DPP6: variants seen among roughly 807,000 people sequenced by gnomAD.
DPP6 encodes the protein A-type potassium channel modulatory protein DPP6.
In DPP6, 69 loss-of-function variants were observed where a neutral mutation model predicts 122.6. That is an observed-to-expected ratio of 0.56 (90% CI 0.46 to 0.69). The LOEUF (loss-of-function observed/expected upper bound fraction) is 0.69, where lower values mean the gene tolerates loss of function less well. Among genes scored for constraint, DPP6 ranks in the 30% least tolerant of loss-of-function variants. The probability of loss-of-function intolerance (pLI) is 0.00; values close to 1 mark genes in which losing one functional copy is unlikely to be tolerated. For missense variants in DPP6, 928 were observed against 1,116.9 expected, an observed-to-expected ratio of 0.83 and a Z score of 2.41; for synonymous variants, 418 against 433.1, an observed-to-expected ratio of 0.97 and a Z score of 0.43.
At chr7:154,095,148 G>A (rs1317147995) in intron 1 of DPP6, 1 of 151,356 alleles carries the variant, frequency 6.6e-6, no homozygotes, top group Admixed American at 6.6e-5. Flanking sequence ...AACCATTCAT[G>A]CCTCCAAGTA....
chr7:154,611,441 G>A (rs1182774462), intron 5 of DPP6, among the ~76,000 whole-genome samples: 2 of 152,116 alleles, frequency 1.3e-5, no homozygotes, highest in Non-Finnish European at 2.9e-5. Flanking sequence ...ACAAAAAGTG[G>A]ACCTCTTTGG....
At chr7:153,871,193 T>A in the DPP6 span, among the ~76,000 whole-genome samples, 1 of 152,222 alleles carries the variant, frequency 6.6e-6, no homozygotes, top group Non-Finnish European at 1.5e-5. Context: ...GACAGCGACA[T>A]TTAAGTCTGC....
chr7:154,396,375 G>A (rs149241468), intron 1 of DPP6, among the ~76,000 whole-genome samples: 1 of 152,274 alleles, frequency 6.6e-6, no homozygotes, highest in Non-Finnish European at 1.5e-5. Context: ...TGAGAGCTGT[G>A]CTACACGTGT....
intron 1 of DPP6, among the ~76,000 whole-genome samples, chr7:154,105,880 A>T (rs977162942): frequency 1.1e-4 from 17 of 151,298 alleles, no homozygotes; most frequent in African/African-American, 4.2e-4. Context: ...TATTAGCAGC[A>T]TGAGAACAGA....
At chr7:154,505,532 A>G (rs541128748) in intron 3 of DPP6, among the ~76,000 whole-genome samples, 1 of 152,202 alleles carries the variant, frequency 6.6e-6, no homozygotes, top group Non-Finnish European at 1.5e-5. Context: ...AGCTTCGCAG[A>G]AGTTCCTGTT....
intron 5 of DPP6, among the ~76,000 whole-genome samples, chr7:154,594,396 C>T (rs1832969477): frequency 6.6e-6 from 1 of 152,168 alleles, no homozygotes; most frequent in South Asian, 2.1e-4. Flanking sequence ...ACTGTATCCT[C>T]AGTTTCTTGC....
At chr7:154,549,928 T>C (rs561280612) in intron 4 of DPP6, among the ~76,000 whole-genome samples, 8 of 152,208 alleles carry the variant, frequency 5.3e-5, no homozygotes, top group Non-Finnish European at 8.8e-5. Flanking sequence ...GTTTTAATTT[T>C]ATTCACAAAA....
At chr7:153,944,662 G>C (rs1378559335) in intron 1 of DPP6, among the ~76,000 whole-genome samples, 1 of 79,044 alleles carries the variant, frequency 1.3e-5, no homozygotes, top group African/African-American at 4.9e-5. Flanking sequence ...ATTTTTGTGT[G>C]GGTTTTTTTT....
At chr7:154,004,318 G>T (rs1035380460) in intron 1 of DPP6, among the ~76,000 whole-genome samples, 7 of 152,226 alleles carry the variant, frequency 4.6e-5, no homozygotes, top group Non-Finnish European at 7.3e-5. Flanking sequence ...TGGAGCCATA[G>T]GGGTGAGGAG....
intron 1 of DPP6, among the ~76,000 whole-genome samples, chr7:154,236,153 A>G (rs1029485592): frequency 1.3e-5 from 2 of 152,162 alleles, no homozygotes; most frequent in Non-Finnish European, 1.5e-5. Flanking sequence ...GTGTCCAGCC[A>G]GTTTTATTAT....
At chr7:153,790,704 T>C in the DPP6 span, among the ~76,000 whole-genome samples, 1 of 152,216 alleles carries the variant, frequency 6.6e-6, no homozygotes, top group Admixed American at 6.5e-5. Context: ...GAATGTAAAG[T>C]ATGTGAACAA....
intron 16 of DPP6, among the ~76,000 whole-genome samples, chr7:154,825,262 A>C (rs1800065122): frequency 6.6e-6 from 1 of 152,220 alleles, no homozygotes; most frequent in African/African-American, 2.4e-5. Context: ...GATGTGCTTA[A>C]GTGTCAAGGA....
the DPP6 span, among the ~76,000 whole-genome samples, chr7:153,839,882 G>A: frequency 6.6e-6 from 1 of 152,184 alleles, no homozygotes. Context: ...TGTTGCTACT[G>A]GTCTTGAGGT....
the DPP6 span, among the ~76,000 whole-genome samples, chr7:153,761,914 A>G: frequency 6.6e-6 from 1 of 152,228 alleles, no homozygotes; most frequent in African/African-American, 2.4e-5. Context: ...ACCCAGGGAC[A>G]CTGAAAAGGA....
chr7:154,645,068 T>G (rs1486299841), intron 6 of DPP6, among the ~76,000 whole-genome samples: 1 of 148,948 alleles, frequency 6.7e-6, no homozygotes, highest in Non-Finnish European at 1.5e-5. Context: ...TTGGTTTTTT[T>G]TTTTTTTTTT....
At chr7:153,987,869 T>C (rs1192796841) in intron 1 of DPP6, among the ~76,000 whole-genome samples, 3 of 152,154 alleles carry the variant, frequency 2.0e-5, no homozygotes, top group Non-Finnish European at 2.9e-5. Context: ...GAAACTGATA[T>C]AATTTATGAG....
chr7:153,967,885 A>G (rs1193160226), intron 1 of DPP6, among the ~76,000 whole-genome samples: 4 of 151,724 alleles, frequency 2.6e-5, no homozygotes, highest in African/African-American at 4.9e-5. Flanking sequence ...TGTAAAGGGT[A>G]TGGTTTCATT....
intron 1 of DPP6, among the ~76,000 whole-genome samples, 178 bp downstream of exon 1, chr7:154,053,241 G>T (rs1236964035): frequency 2.7e-5 from 4 of 149,094 alleles, no homozygotes; most frequent in Non-Finnish European, 6.0e-5. Context: ...ACCGCGTCCC[G>T]GAGGGAGCGG....
chr7:154,852,744 T>C (rs1563283670), intron 16 of DPP6, among the ~76,000 whole-genome samples: 1 of 152,240 alleles, frequency 6.6e-6, no homozygotes, highest in Non-Finnish European at 1.5e-5. Context: ...GATCATTACA[T>C]ATTATAAGGT....
Sources: allele counts gnomAD v4.1 joint callset (sites outside exome capture counted in the v4.1 genomes callset), GRCh38; gene constraint gnomAD v4.1.1; transcripts MANE v1.5; gene names NCBI Gene and HGNC (gene_info 2026-07-23, HGNC 2026-07-21).